C1R: variants seen among roughly 807,000 people sequenced by gnomAD.
C1R encodes the protein complement C1r subcomponent.
C1R carries 15 observed loss-of-function variants against 27.6 expected under a neutral mutation model. That is an observed-to-expected ratio of 0.54 (90% confidence interval 0.36 to 0.84). C1R has a LOEUF of 0.84. Among genes scored for constraint, C1R ranks in the 40% least tolerant of loss-of-function variants. C1R has a pLI of 0.01. For missense variants in C1R, 544 were observed against 577.9 expected, an observed-to-expected ratio of 0.94 and a Z score of 0.60; for synonymous variants, 253 against 228.8, an observed-to-expected ratio of 1.11 and a Z score of -0.95.
chr12:7,081,266 G>A lies in C1R; in HGVS notation c.1384C>T (p.Gln462Ter). Reference protein sequence around the residue: ...GKPVNPVEQRQRIIGGQKAKM... With the variant: ...GKPVNPVEQR ...GCTTTTTGCCCTCCGATGATGCGCTGCCTCTGTTCCACGGGGTTCACGGGC... is the reference window on the plus strand; with the variant it reads ...GCTTTTTGCCCTCCGATGATGCGCTACCTCTGTTCCACGGGGTTCACGGGC... Residue 462 changes from glutamine (Q) to a stop codon, truncating the protein, a stop_gained, in exon 11 of 11, where the codon CAG (glutamine) becomes TAG (stop). Transcript: ENST00000647956. LOFTEE classifies it low-confidence loss of function (END_TRUNC). 1 of 1,612,148 alleles carries A rather than the reference G, an allele frequency of 6.2e-7. No homozygotes were observed.
chr12:7,080,275 T>TCAAATGGACC lies in C1R; in HGVS notation c.*256_*257insGGTCCATTTG. The TCAAATGGACC allele has an allele frequency of 8.5e-7, 1 of 1,174,992 alleles. No homozygotes were observed. 72.8% of individuals were successfully genotyped at this position (1,174,992 alleles called of 1,614,324 possible). On this transcript the variant is annotated 3_prime_UTR_variant, in exon 11 of 11. Transcript: ENST00000647956. This position sits in a 1 kb window ranked among gnomAD's most constrained non-coding sequence, Gnocchi z 4.9. ...AGTTATATTCAATGACCCAATGGTA[T>TCAAATGGACC]CAAAGTGGAAGAGGAAAGTGACAAC...
intron 9 of C1R, among the ~76,000 whole-genome samples, chr12:7,082,820 C>T (rs969703299): frequency 2.6e-5 from 4 of 152,210 alleles, no homozygotes; most frequent in Admixed American, 6.5e-5. Context: ...TTTATCTGCA[C>T]GATCTCATTT....
intron 2 of C1R, among the ~76,000 whole-genome samples, chr12:7,090,561 G>C (rs1321534739): frequency 6.6e-6 from 1 of 152,150 alleles, no homozygotes. Context: ...GTTCCCCTGG[G>C]GTCCTGGTTG....
intron 10 of C1R, among the ~76,000 whole-genome samples, 175 bp from the exon 11 acceptor site, chr12:7,081,476 G>GT (rs370513331): frequency 0.013 from 1,748 of 134,716 alleles, 43 homozygotes; most frequent in African/African-American, 0.038. Context: ...TCTTGTTCTT[G>GT]TTTTTTTTTT....
At position 7,091,490 on chromosome 12, in the gene C1R, G is replaced by A. The variant is rs1354926017; in HGVS notation, c.193C>T (p.Leu65=). The change falls in exon 2 of 11, where the codon CTG becomes TTG. Residue 65 remains leucine, a synonymous_variant. Transcript: ENST00000647956. This position sits in a 1 kb window ranked among gnomAD's most constrained non-coding sequence, Gnocchi z 5.1. ...TAGAAGCAGCCTTCAGAAGGCTCCA[G>A]GTCAAACTGCTGGAAGACGAGCTTC... ...RVKLVFQQFD[L]EPSEGCFYDY... The A allele has an allele frequency of 1.3e-6, 1 of 776,882 alleles. No individual in the cohort carries two copies. Among genetic ancestry groups the A allele is most frequent in the Non-Finnish European group, 2.4e-6 (1 of 416,162 alleles). 48.1% of individuals were successfully genotyped at this position (776,882 alleles called of 1,614,324 possible). A position where few individuals can be genotyped will look rare whatever the true frequency, so the allele number is the denominator to read the frequency against.
chr12:7,091,707 A>T lies in C1R; in HGVS notation c.3-27T>A, dbSNP rs1382353787. Reference sequence around the variant, plus strand: ...TGCCAAAACAAAAGAGAGTATCTGGAGCTGGAGGGGTTCAGCACTCTTGCC... The same window carrying T: ...TGCCAAAACAAAAGAGAGTATCTGGTGCTGGAGGGGTTCAGCACTCTTGCC... On this transcript the variant is annotated intron_variant, in intron 1 of 10. Coordinates refer to ENST00000647956, the MANE Select transcript of C1R (RefSeq NM_001733.7). The surrounding 1 kb of genome is among the most constrained non-coding windows in gnomAD (Gnocchi z 5.1). 4.2e-6 allele frequency: 3 copies of T among 720,390 alleles called. No homozygotes were observed. The highest frequency in any genetic ancestry group is 2.6e-6 in the Non-Finnish European group (1 of 386,226). 44.6% of individuals were successfully genotyped at this position (720,390 alleles called of 1,614,324 possible).
intron 9 of C1R, 138 bp downstream of exon 9, chr12:7,085,723 A>G: frequency 2.5e-6 from 1 of 396,666 alleles, no homozygotes; most frequent in Non-Finnish European, 4.4e-6. Context: ...TCCTGTTAGC[A>G]CTATAATTTA....
At position 7,080,868 on chromosome 12, in the gene C1R, A is replaced by G; in HGVS notation, c.1782T>C (p.Ser594=). 1 of 1,613,944 alleles carries G rather than the reference A, an allele frequency of 6.2e-7. No individual in the cohort carries two copies. The highest frequency in any genetic ancestry group is 1.1e-5 in the South Asian group (1 of 91,080). ...FYDLGLMGYV[S]GFGVMEEKIA... ...TCTTCTCCTCCATGACCCCGAAGCC[A>G]CTGACATAGCCCATCAAGCCCAGGT... The change falls in exon 11 of 11, where the codon AGT becomes AGC. Residue 594 remains serine (S), a synonymous_variant. Transcript: ENST00000647956. The surrounding 1 kb of genome is among the most constrained non-coding windows in gnomAD (Gnocchi z 4.9).
rs750177271 is a variant in C1R, at chr12:7,088,625, G to A, written c.1023C>T (p.Gly341=). The A allele has an allele frequency of 1.4e-6, 1 of 726,708 alleles. No homozygotes were observed. The highest frequency in any genetic ancestry group is 2.6e-5 in the East Asian group (1 of 38,228). The allele number at this position is 726,708 out of a possible 1,614,324, so 45.0% of individuals were successfully genotyped here. The change falls in exon 7 of 11, where the codon GGC becomes GGT. Residue 341 remains glycine (G), a synonymous_variant. Coordinates refer to ENST00000647956, the MANE Select transcript of C1R (RefSeq NM_001733.7). ...RDYFIATCKQ[G]YQLIEGNQVL... is the part of the protein sequence containing the mutation. Reference sequence around the variant, plus strand: ...GGGCTCTTACCTCTATGAGCTGGTAGCCTTGCTTGCAGGTAGCAATGAAGT... The same window carrying A: ...GGGCTCTTACCTCTATGAGCTGGTAACCTTGCTTGCAGGTAGCAATGAAGT...
chr12:7,083,425 GA>G (rs1938101327), intron 9 of C1R, among the ~76,000 whole-genome samples: 1 of 151,980 alleles, frequency 6.6e-6, no homozygotes, highest in Admixed American at 6.6e-5. Flanking sequence ...TAATGGTAGT[GA>G]TGATGGTGGT....
In C1R at chr12:7,085,001, G is replaced by A. The variant is rs992141671; in HGVS notation, c.1273+860C>T. ...TGATGATGGTGTTGGTGGTGATGGT[G>A]GTGGTGATGGTGGTGTTGGTAATGG... On this transcript the variant is annotated intron_variant, in intron 9 of 10. Coordinates refer to ENST00000647956, the MANE Select transcript of C1R (RefSeq NM_001733.7). 3.9e-4 allele frequency among the ~76,000 whole-genome samples: 59 copies of A among 149,614 alleles called. No homozygotes were observed. The South Asian group carries it at 7.0e-3, about 18-fold the overall frequency.
At chr12:7,089,851 G>A (rs758521733) in intron 3 of C1R, 118 bp from the exon 4 acceptor site, 23 of 713,036 alleles carry the variant, frequency 3.2e-5, no homozygotes, top group African/African-American at 8.7e-5. Flanking sequence ...AGGCCACCTG[G>A]ACCTCCAGGC....
At position 7,080,512 on chromosome 12, in the gene C1R, G is replaced by C. The variant is rs766283611; in HGVS notation, c.*20C>G. The C allele has an allele frequency of 2.6e-6, 4 of 1,522,818 alleles. No individual in the cohort carries two copies. Among genetic ancestry groups the C allele is most frequent in the Non-Finnish European group, 3.5e-6 (4 of 1,135,834 alleles). 94.3% of individuals were successfully genotyped at this position (1,522,818 alleles called of 1,614,324 possible). On this transcript the variant is annotated 3_prime_UTR_variant, in exon 11 of 11. Transcript: ENST00000647956. This position sits in a 1 kb window ranked among gnomAD's most constrained non-coding sequence, Gnocchi z 4.9. ...TTTTTCCACACTGCTCTCTGGATTCGAACCTAGTGAATTCTGGGCTCAGTC... is the reference window on the plus strand; with the variant it reads ...TTTTTCCACACTGCTCTCTGGATTCCAACCTAGTGAATTCTGGGCTCAGTC...
At chr12:7,083,216 G>T (rs1449225865) in intron 9 of C1R, among the ~76,000 whole-genome samples, 1 of 151,888 alleles carries the variant, frequency 6.6e-6, no homozygotes, top group African/African-American at 2.4e-5. Flanking sequence ...GTTGGTGTTG[G>T]TGGTGATGGT....
At position 7,088,629 on chromosome 12, in the gene C1R, T is replaced by C; in HGVS notation, c.1019A>G (p.Gln340Arg). The change falls in exon 7 of 11, where the codon CAA becomes CGA. Residue 340 changes from glutamine to arginine, a missense_variant. Gln to Arg is a conservative substitution (Grantham distance 43). Around this residue, in one of 2 missense-constraint regions of C1R, gnomAD observed 291 missense variants for 209.0 expected, o/e 1.39. Transcript: ENST00000647956. ...FRDYFIATCKQGYQLIEGNQV... is the reference protein window; with the variant it reads ...FRDYFIATCKRGYQLIEGNQV... ...TCTTACCTCTATGAGCTGGTAGCCT[T>C]GCTTGCAGGTAGCAATGAAGTAGTC... 1.4e-6 allele frequency: 1 copy of C among 729,078 alleles called. No individual in the cohort carries two copies. 45.2% of individuals were successfully genotyped at this position (729,078 alleles called of 1,614,324 possible).
In C1R at chr12:7,089,321, T is replaced by C. The variant is rs1938213622; in HGVS notation, c.740A>G (p.Gln247Arg). The C allele has an allele frequency of 1.3e-6, 1 of 780,434 alleles. No individual in the cohort carries two copies. The highest frequency in any genetic ancestry group is 1.3e-5 in the South Asian group (1 of 74,602). 48.3% of individuals were successfully genotyped at this position (780,434 alleles called of 1,614,324 possible). A position where few individuals can be genotyped will look rare whatever the true frequency, so the allele number is the denominator to read the frequency against. Residue 247 changes from glutamine to arginine, a missense_variant, in exon 5 of 11, where the codon CAA (glutamine) becomes CGA (arginine). Gln to Arg is a conservative substitution (Grantham distance 43). Around this residue, in one of 2 missense-constraint regions of C1R, gnomAD observed 291 missense variants for 209.0 expected, o/e 1.39. Transcript: ENST00000647956. ...LEPFDIDDHQ[Q>R]VHCPYDQLQI... ...TAGCTGGTCATAGGGGCAGTGTACT[T>C]GCTGGTGGTCATCAATATCAAAAGG...
At chr12:7,082,577 T>C (rs1226560852) in intron 9 of C1R, among the ~76,000 whole-genome samples, 4 of 152,138 alleles carry the variant, frequency 2.6e-5, no homozygotes, top group Admixed American at 1.3e-4. Flanking sequence ...GTGATCCACC[T>C]GCCTCGGTCT....
At position 7,080,267 on chromosome 12, in the gene C1R, C is replaced by T. The variant is rs995833587; in HGVS notation, c.*265G>A. The T allele has an allele frequency of 2.8e-5, 32 of 1,154,640 alleles. No individual in the cohort carries two copies. The highest frequency in any genetic ancestry group is 2.2e-4 in the Admixed American group (5 of 23,252). 71.5% of individuals were successfully genotyped at this position (1,154,640 alleles called of 1,614,324 possible). A position where few individuals can be genotyped will look rare whatever the true frequency, so the allele number is the denominator to read the frequency against. On this transcript the variant is annotated 3_prime_UTR_variant, in exon 11 of 11. Coordinates refer to ENST00000647956, the MANE Select transcript of C1R (RefSeq NM_001733.7). This position sits in a 1 kb window ranked among gnomAD's most constrained non-coding sequence, Gnocchi z 4.9. ...TTGGAAAAAGTTATATTCAATGACC[C>T]AATGGTATCAAAGTGGAAGAGGAAA...
At chr12:7,086,646 C>G (rs1048151035) in intron 7 of C1R, 189 bp from the exon 8 acceptor site, 11 of 384,312 alleles carry the variant, frequency 2.9e-5, no homozygotes, top group African/African-American at 2.1e-4. Flanking sequence ...CCATTACAGA[C>G]AGGAGCATTG....
Sources: gnomAD v4.1 joint callset for allele counts (sites outside exome capture counted in the v4.1 genomes callset) on GRCh38, gnomAD v4.1.1 for gene constraint, gnomAD v4.1.1 regional missense constraint, Gnocchi (gnomAD v3.1) non-coding constraint, MANE v1.5 for transcripts, NCBI Gene and HGNC (gene_info 2026-07-23, HGNC 2026-07-21) for gene names.